The following COBLL1 variants were observed in gnomAD, a reference collection of about 807,000 sequenced individuals.
COBLL1 encodes cordon-bleu WH2 repeat protein like 1, also known as cordon-bleu protein-like 1.
Under a neutral mutation model 94.8 loss-of-function variants are expected in COBLL1, and 50 were observed. The observed-to-expected ratio is 0.53, with a 90% CI of 0.42 to 0.67. COBLL1 has a LOEUF of 0.67. COBLL1 is among the 30% of genes least tolerant of loss of function. The probability of loss-of-function intolerance (pLI) is 0.00; values close to 1 mark genes in which losing one functional copy is unlikely to be tolerated. For missense variants in COBLL1, 1,362 were observed against 1,348.7 expected, an observed-to-expected ratio of 1.01 and a Z score of -0.15; for synonymous variants, 448 against 473.8, an observed-to-expected ratio of 0.95 and a Z score of 0.71.
At chr2:164,833,503 T>G (rs990606254) in intron 2 of COBLL1, among the ~76,000 whole-genome samples, 1 of 150,324 alleles carries the variant, frequency 6.7e-6, no homozygotes, top group African/African-American at 2.5e-5. Context: ...CAGGCCGGAC[T>G]GCAGTGGCGT....
chr2:164,690,580 G>GC (rs1371756998), intron 13 of COBLL1, among the ~76,000 whole-genome samples: 2 of 152,152 alleles, frequency 1.3e-5, no homozygotes, highest in Non-Finnish European at 2.9e-5. Flanking sequence ...CCAACTTAAT[G>GC]CAGTTTTCTG....
chr2:164,792,238 C>T (rs1683225586), intron 2 of COBLL1, among the ~76,000 whole-genome samples: 1 of 152,040 alleles, frequency 6.6e-6, no homozygotes, highest in Non-Finnish European at 1.5e-5. Flanking sequence ...AAGCAATCCT[C>T]CCACCTCAGC....
At chr2:164,730,185 G>T in intron 3 of COBLL1, 70 bp from the exon 4 acceptor site, 2 of 1,289,128 alleles carry the variant, frequency 1.6e-6, no homozygotes, top group Non-Finnish European at 2.2e-6. Context: ...GTCTTCAATA[G>T]ATAAACAAGT....
chr2:164,684,356 T>C lies in COBLL1; in HGVS notation c.*1590A>G, dbSNP rs1180858559. 1 of 152,078 alleles carries C rather than the reference T, an allele frequency of 6.6e-6. No homozygotes were observed. The highest frequency in any genetic ancestry group is 1.5e-5 in the Non-Finnish European group (1 of 68,008). 9.4% of individuals were successfully genotyped at this position (152,078 alleles called of 1,614,324 possible). A position where few individuals can be genotyped will look rare whatever the true frequency, so the allele number is the denominator to read the frequency against. ...TTTAAGTCTTCAATCCAACTCAAAA[T>C]ATATGAAGGTTTAAATTAGGGATCC... On this transcript the variant is annotated 3_prime_UTR_variant, in exon 14 of 14. Transcript: ENST00000652658.
chr2:164,828,164 C>G (rs774087905), intron 2 of COBLL1, among the ~76,000 whole-genome samples: 19 of 152,166 alleles, frequency 1.2e-4, no homozygotes, highest in Non-Finnish European at 2.1e-4. Flanking sequence ...TTCCAATGGA[C>G]AAGTAATTTG....
chr2:164,781,967 T>C (rs757866984), intron 2 of COBLL1, among the ~76,000 whole-genome samples: 2 of 152,182 alleles, frequency 1.3e-5, no homozygotes, highest in Admixed American at 6.6e-5. Context: ...GGAATAAAGC[T>C]ATCCTTTCTT....
At chr2:164,740,716 A>C (rs928094183) in intron 3 of COBLL1, among the ~76,000 whole-genome samples, 5 of 152,232 alleles carry the variant, frequency 3.3e-5, no homozygotes, top group Non-Finnish European at 5.9e-5. Context: ...TAAGACCTAC[A>C]CATACATTGC....
chr2:164,819,050 T>C (rs1685030566), intron 2 of COBLL1, among the ~76,000 whole-genome samples: 1 of 151,894 alleles, frequency 6.6e-6, no homozygotes, highest in South Asian at 2.1e-4. Flanking sequence ...GGACTACAGG[T>C]GTGGGCAACC....
intron 2 of COBLL1, among the ~76,000 whole-genome samples, chr2:164,818,143 T>C (rs146605891): frequency 6.9e-4 from 104 of 151,562 alleles, no homozygotes; most frequent in African/African-American, 2.4e-3. Context: ...TACATGTATA[T>C]GTACATGTAT....
At chr2:164,713,209 T>C (rs1684992338) in intron 7 of COBLL1, among the ~76,000 whole-genome samples, 1 of 152,146 alleles carries the variant, frequency 6.6e-6, no homozygotes, top group African/African-American at 2.4e-5. Context: ...TCTTCACTGA[T>C]GGCATAGAAA....
At chr2:164,660,057 A>G (rs943710698) in intron 2 of COBLL1, among the ~76,000 whole-genome samples, 1 of 152,192 alleles carries the variant, frequency 6.6e-6, no homozygotes, top group African/African-American at 2.4e-5. Context: ...ACCACATGGC[A>G]TTCTTTTACC....
intron 7 of COBLL1, among the ~76,000 whole-genome samples, chr2:164,708,975 T>C (rs1378159856): frequency 6.6e-6 from 1 of 152,184 alleles, no homozygotes. Flanking sequence ...ACTTGGGAGT[T>C]AGAGCTCTTA....
rs757202759 is a variant in COBLL1 at position 164,722,430 on chromosome 2, C to T, written c.754G>A (p.Asp252Asn). ...CAATATAAGAAAATACTTACTTGGT[C>T]TCGCTTTTTCTTACTGCGTTGAAAA... Reference protein sequence around the residue: ...SFFQRSKKKRDQTASAPATPL... With the variant: ...SFFQRSKKKRNQTASAPATPL... The change falls in exon 6 of 14, where the codon GAC becomes AAC. Residue 252 changes from aspartate (D) to asparagine (N), a missense_variant. Coordinates refer to ENST00000652658, the MANE Select transcript of COBLL1 (RefSeq NM_001365672.2). 1.3e-6 allele frequency: 2 copies of T among 1,517,260 alleles called. No homozygotes were observed. Among genetic ancestry groups the T allele is most frequent in the Admixed American group, 2.2e-5 (1 of 44,568 alleles). The allele number at this position is 1,517,260 out of a possible 1,614,324, so 94.0% of individuals were successfully genotyped here. A position where few individuals can be genotyped will look rare whatever the true frequency, so the allele number is the denominator to read the frequency against.
intron 2 of COBLL1, among the ~76,000 whole-genome samples, chr2:164,825,384 G>A (rs1440010590): frequency 6.6e-6 from 1 of 152,098 alleles, no homozygotes; most frequent in Non-Finnish European, 1.5e-5. Context: ...CAAGTGCAGA[G>A]TTTATGCATG....
chr2:164,704,344 T>C (rs1027501545), intron 9 of COBLL1, 100 bp downstream of exon 9: 5 of 815,210 alleles, frequency 6.1e-6, no homozygotes, highest in Admixed American at 2.2e-5. Context: ...AAAGAATCTG[T>C]ATCTCTTTCA....
chr2:164,729,870 A>C (rs1476346876), intron 4 of COBLL1, 44 bp downstream of exon 4: 2 of 1,498,088 alleles, frequency 1.3e-6, no homozygotes, highest in South Asian at 1.1e-5. Flanking sequence ...TGAGCTGCTG[A>C]TAATGACTGA....
At chr2:164,794,822 ATTAAG>A (rs1482628117) in intron 2 of COBLL1, among the ~76,000 whole-genome samples, 5 of 152,220 alleles carry the variant, frequency 3.3e-5, no homozygotes, top group Admixed American at 1.3e-4. Context: ...ATGTTCTTCT[ATTAAG>A]TTAACACCAT....
Position 164,841,780 on chromosome 2 carries a change from C to G in COBLL1, c.-121G>C, listed in dbSNP as rs1029019098. The G allele has an allele frequency of 3.6e-6, 2 of 563,312 alleles. No individual in the cohort carries two copies. Among genetic ancestry groups the G allele is most frequent in the Non-Finnish European group, 6.2e-6 (2 of 324,974 alleles). The allele number at this position is 563,312 out of a possible 1,614,324, so 34.9% of individuals were successfully genotyped here. On this transcript the variant is annotated 5_prime_UTR_variant, in exon 1 of 14. Coordinates refer to ENST00000652658, the MANE Select transcript of COBLL1 (RefSeq NM_001365672.2). The surrounding 1 kb of genome is among the most constrained non-coding windows in gnomAD (Gnocchi z 5.5). Reference sequence around the variant, plus strand: ...CTTCCTCTCCTACTCTTCCCTTCCCCGGCCCGCGCTCTTGCCGCTCGGCTC... The same window carrying G: ...CTTCCTCTCCTACTCTTCCCTTCCCGGGCCCGCGCTCTTGCCGCTCGGCTC...
At chr2:164,826,469 A>AGATAATATTTTT (rs1388062368) in intron 2 of COBLL1, among the ~76,000 whole-genome samples, 31 of 152,238 alleles carry the variant, frequency 2.0e-4, no homozygotes, top group Admixed American at 1.0e-3. Context: ...CTAGCAATGT[A>AGATAATATTTTT]GATAATATTT....
Sources: allele counts gnomAD v4.1 joint callset (sites outside exome capture counted in the v4.1 genomes callset), GRCh38; gene constraint gnomAD v4.1.1; non-coding constraint Gnocchi (gnomAD v3.1); transcripts MANE v1.5; gene names NCBI Gene and HGNC (gene_info 2026-07-23, HGNC 2026-07-21).